The following WASHC5 variants were observed in gnomAD, a reference collection of about 807,000 sequenced individuals.
WASHC5 encodes the protein WASH complex subunit 5, also known as WASH complex subunit strumpellin.
Under a neutral mutation model 150.4 loss-of-function variants are expected in WASHC5, and 101 were observed. That is an observed-to-expected ratio of 0.67 (90% CI 0.57 to 0.79). The LOEUF is 0.79. Among genes scored for constraint, WASHC5 ranks in the 30% least tolerant of loss-of-function variants. The pLI is 0.00. For missense variants in WASHC5, 1,195 were observed against 1,396.3 expected (o/e 0.86, Z 2.30); for synonymous variants, 467 against 491.2 (o/e 0.95, Z 0.65).
At position 125,061,185 on chromosome 8, in the gene WASHC5, T is replaced by C. The variant is rs1009030491; in HGVS notation, c.1418A>G (p.Gln473Arg). The change falls in exon 12 of 29, where the codon CAA becomes CGA. Residue 473 changes from glutamine (Q) to arginine (R), a missense_variant. This residue lies in a region of WASHC5 where 997 missense variants were observed against 1,168.1 expected (regional missense o/e 0.85). Transcript: ENST00000318410. ...TTTTGAGATCTCTCTGAACCAAGCT[T>C]GAAGGTTTTCTAGTAATACAGAAAT... ...LTRVEKNENL[Q>R]AWFREISKQI... The C allele has an allele frequency of 3.2e-6, 5 of 1,580,330 alleles. No individual in the cohort carries two copies. Among genetic ancestry groups the C allele is most frequent in the Non-Finnish European group, 4.3e-6 (5 of 1,149,598 alleles).
At chr8:125,060,303 A>G (rs1032906474) in intron 12 of WASHC5, among the ~76,000 whole-genome samples, 3 of 152,296 alleles carry the variant, frequency 2.0e-5, no homozygotes, top group Middle Eastern at 3.4e-3. Flanking sequence ...CCTGGCTAAC[A>G]TGGTGAAACC....
chr8:125,061,301 C>T, intron 11 of WASHC5, 107 bp from the exon 12 acceptor site: 1 of 693,626 alleles, frequency 1.4e-6, no homozygotes, highest in Non-Finnish European at 2.5e-6. Context: ...AGAGCTTTAA[C>T]CGTGGGCCTA....
intron 9 of WASHC5, among the ~76,000 whole-genome samples, chr8:125,068,151 G>A (rs1287729683): frequency 1.3e-5 from 2 of 152,204 alleles, no homozygotes; most frequent in Non-Finnish European, 2.9e-5. Context: ...TATCCCTAGA[G>A]AGGCCTGTTT....
chr8:125,052,244 C>G (rs149466505), intron 17 of WASHC5, among the ~76,000 whole-genome samples: 57 of 152,252 alleles, frequency 3.7e-4, no homozygotes, highest in Middle Eastern at 3.4e-3. Flanking sequence ...CTTACAAGAA[C>G]AGATTTACTA....
rs1459471993 is a variant in WASHC5 at position 125,073,190 on chromosome 8, A to C, written c.1113T>G (p.Val371=). 1.2e-6 allele frequency: 2 copies of C among 1,614,140 alleles called. No individual in the cohort carries two copies. The highest frequency in any genetic ancestry group is 2.2e-5 in the South Asian group (2 of 91,080). Reference sequence around the variant, plus strand: ...TATGAAGCATCAGCCATCGGATGGCAACATTGCAGTCTCTCAGGCAGTTCA... The same window carrying C: ...TATGAAGCATCAGCCATCGGATGGCCACATTGCAGTCTCTCAGGCAGTTCA... ...KLLNCLRDCN[V]AIRWLMLHTA... Residue 371 remains valine (V), a synonymous_variant, in exon 9 of 29, where the codon GTT becomes GTG. Transcript: ENST00000318410.
intron 1 of WASHC5, among the ~76,000 whole-genome samples, chr8:125,087,688 G>A (rs1025450156): frequency 2.0e-5 from 3 of 148,368 alleles, no homozygotes; most frequent in Non-Finnish European, 4.4e-5. Context: ...AGCCATGATC[G>A]TGCCACTGCA....
chr8:125,059,317 G>C lies in WASHC5; in HGVS notation c.1689-20C>G. 6.2e-7 allele frequency: 1 copy of C among 1,613,356 alleles called. No homozygotes were observed. On this transcript the variant is annotated intron_variant, in intron 13 of 28. Transcript: ENST00000318410. The stretch of plus-strand genomic sequence containing the variant: ...GTGAAACTGTAAAAAGAAAAGAAAC[G>C]GTAAGAAGATGTTCCTAGGGCCTTT...
At chr8:125,072,359 G>GC (rs755303939) in intron 9 of WASHC5, among the ~76,000 whole-genome samples, 2 of 108,648 alleles carry the variant, frequency 1.8e-5, no homozygotes, top group African/African-American at 6.9e-5. Context: ...AAGTGGGGGG[G>GC]GGGGGCGGGC....
At chr8:125,046,024 A>G (rs1198595897) in intron 20 of WASHC5, among the ~76,000 whole-genome samples, 2 of 152,216 alleles carry the variant, frequency 1.3e-5, no homozygotes, top group African/African-American at 2.4e-5. Context: ...GAATAAGGTT[A>G]TGCATAGTTT....
intron 28 of WASHC5, among the ~76,000 whole-genome samples, chr8:125,027,267 G>A (rs1287084431): frequency 1.3e-5 from 2 of 152,004 alleles, no homozygotes; most frequent in Non-Finnish European, 2.9e-5. Flanking sequence ...CCCACTACTG[G>A]GTAACTACCC....
chr8:125,061,740 C>T (rs1032037906), intron 11 of WASHC5, among the ~76,000 whole-genome samples: 4 of 152,130 alleles, frequency 2.6e-5, no homozygotes, highest in Non-Finnish European at 5.9e-5. Flanking sequence ...TAGGAACCGG[C>T]AGACATTTCA....
In WASHC5 at chr8:125,075,079, A is replaced by G. The variant is rs1817012822; in HGVS notation, c.897T>C (p.Asn299=). 1 of 1,610,562 alleles carries G rather than the reference A, an allele frequency of 6.2e-7. No individual in the cohort carries two copies. Among genetic ancestry groups the G allele is most frequent in the African/African-American group, 1.3e-5 (1 of 74,820 alleles). ...VISIYMGITV[N]LVDAWEPYKA... ...TGTAAGGTTCCCAAGCATCTACTAG[A>G]TTAACTGTGATCCCCATGTAAATAC... is the stretch of plus-strand genomic sequence containing the variant. The change falls in exon 8 of 29, where the codon AAT becomes AAC. Residue 299 remains asparagine, a synonymous_variant. Transcript: ENST00000318410.
At chr8:125,064,911 C>A (rs764262351) in intron 10 of WASHC5, among the ~76,000 whole-genome samples, 2 of 152,060 alleles carry the variant, frequency 1.3e-5, no homozygotes, top group Non-Finnish European at 2.9e-5. Context: ...AAAATGATGA[C>A]GGAGAGGATG....
At chr8:125,088,572 T>A (rs570009370) in intron 1 of WASHC5, among the ~76,000 whole-genome samples, 28 of 151,910 alleles carry the variant, frequency 1.8e-4, no homozygotes, top group Non-Finnish European at 3.5e-4. Context: ...TATCATGGTG[T>A]GAGAGAGCCC....
rs190236845 is a variant in WASHC5, at chr8:125,041,545, G to T, written c.2851-1647C>A. The stretch of plus-strand genomic sequence containing the variant: ...AATCCCAGATACTTGGAAGGCTGAG[G>T]TATGAGAAACACTTGAACCCAGGAG... On this transcript the variant is annotated intron_variant, in intron 23 of 28. Coordinates refer to ENST00000318410, the MANE Select transcript of WASHC5 (RefSeq NM_014846.4). Among the ~76,000 whole-genome samples, 725 of 152,072 alleles carry T rather than the reference G, an allele frequency of 4.8e-3. 3 individuals carry two copies. The highest frequency in any genetic ancestry group is 6.8e-3 in the Non-Finnish European group (465 of 67,994).
chr8:125,048,220 A>G (rs1028739167), intron 19 of WASHC5, among the ~76,000 whole-genome samples: 1 of 152,232 alleles, frequency 6.6e-6, no homozygotes, highest in Non-Finnish European at 1.5e-5. Context: ...CCAAAATATC[A>G]TAAGGCTGGA....
In WASHC5 at chr8:125,033,790, C is replaced by G. The variant is rs186608676; in HGVS notation, c.3182-1396G>C. The stretch of plus-strand genomic sequence containing the variant: ...CTCAAACTCCTGACCTCAGGTGATC[C>G]TCTCGTCTCAGCCTCCCAAAATGCT... On this transcript the variant is annotated intron_variant, in intron 26 of 28. Transcript: ENST00000318410. Among the ~76,000 whole-genome samples the G allele has an allele frequency of 1.8e-3, 275 of 152,232 alleles. 1 individual carries two copies. The highest frequency in any genetic ancestry group is 0.01 in the Middle Eastern group (3 of 294).
intron 1 of WASHC5, among the ~76,000 whole-genome samples, chr8:125,088,176 A>G (rs111775376): frequency 0.027 from 4,070 of 151,828 alleles, 200 homozygotes; most frequent in African/African-American, 0.095. Flanking sequence ...AGGTGTGGTG[A>G]CTCACTCCTG....
intron 12 of WASHC5, among the ~76,000 whole-genome samples, chr8:125,059,831 A>T (rs1816536813): frequency 6.6e-6 from 1 of 152,222 alleles, no homozygotes; most frequent in East Asian, 1.9e-4. Context: ...ATGATTCTAC[A>T]ATGTCTTGAA....
Sources: allele counts gnomAD v4.1 joint callset (sites outside exome capture counted in the v4.1 genomes callset), GRCh38; gene constraint gnomAD v4.1.1; regional missense constraint gnomAD v4.1.1; transcripts MANE v1.5; gene names NCBI Gene and HGNC (gene_info 2026-07-23, HGNC 2026-07-21).